The following NIPAL1 variants were observed in gnomAD, a reference collection of about 807,000 sequenced individuals.
NIPAL1 encodes the protein NIPA like domain containing 1, also known as magnesium transporter NIPA3.
A neutral mutation model predicts 37.7 loss-of-function variants in NIPAL1; 35 were observed. The ratio of observed to expected loss-of-function variants is 0.93; its 90% CI spans 0.71 to 1.23. The LOEUF is 1.23. Ranked by LOEUF, NIPAL1 falls within the 50% of genes most tolerant of loss-of-function variation. The pLI, the probability that NIPAL1 is intolerant of heterozygous loss-of-function variation, is 0.00. For synonymous variants in NIPAL1, 162 were observed against 183.0 expected, an observed-to-expected ratio of 0.89 and a Z score of 0.93; for missense variants, 412 against 473.9, an observed-to-expected ratio of 0.87 and a Z score of 1.21.
intron 1 of NIPAL1, among the ~76,000 whole-genome samples, chr4:48,018,493 CT>C (rs1319583041): frequency 6.6e-6 from 1 of 152,198 alleles, no homozygotes; most frequent in Non-Finnish European, 1.5e-5. Context: ...AGAGATTAGG[CT>C]TTGGCATCAG....
chr4:48,018,987 A>G (rs1343161437), intron 1 of NIPAL1, among the ~76,000 whole-genome samples: 1 of 152,202 alleles, frequency 6.6e-6, no homozygotes. Flanking sequence ...TTGAACTTCC[A>G]TGAAGAAAAA....
chr4:48,033,430 A>C (rs1479389881), intron 4 of NIPAL1, among the ~76,000 whole-genome samples: 2 of 152,244 alleles, frequency 1.3e-5, no homozygotes, highest in Non-Finnish European at 2.9e-5. Context: ...ATTTCCTACT[A>C]ACATAAATGT....
intron 1 of NIPAL1, among the ~76,000 whole-genome samples, chr4:48,019,097 T>G (rs1385867367): frequency 6.6e-6 from 1 of 152,218 alleles, no homozygotes; most frequent in East Asian, 1.9e-4. Context: ...TTCAGCTCAC[T>G]GCAACTTCCA....
intron 3 of NIPAL1, 39 bp from the exon 4 acceptor site, chr4:48,032,954 A>G (rs2109371672): frequency 7.0e-7 from 1 of 1,419,398 alleles, no homozygotes. Context: ...CTGACAAGTA[A>G]GCCCATTTTT....
chr4:48,022,648 G>A (rs546974790), intron 1 of NIPAL1, among the ~76,000 whole-genome samples: 7 of 152,280 alleles, frequency 4.6e-5, no homozygotes, highest in East Asian at 1.9e-4. Context: ...AGTCAGGTCC[G>A]ATGTTTTCTT....
chr4:48,035,269 G>A (rs1459616269), intron 5 of NIPAL1, among the ~76,000 whole-genome samples: 5 of 152,164 alleles, frequency 3.3e-5, no homozygotes, highest in Admixed American at 3.3e-4. Flanking sequence ...GGATGGTAGA[G>A]GCAAAAGACA....
At position 48,017,248 on chromosome 4, in the gene NIPAL1, C is replaced by G. The variant is rs552296656; in HGVS notation, c.46+363C>G. 2.0e-5 allele frequency among the ~76,000 whole-genome samples: 3 copies of G among 152,310 alleles called. No individual in the cohort carries two copies. In the East Asian group the frequency reaches 5.8e-4, roughly 30 times the overall value. On this transcript the variant is annotated intron_variant, in intron 1 of 5. Transcript: ENST00000295461. ...AGAAGGACGTTTCCTCTGACTCAGG[C>G]TCCCTTCCAGAGTCTGCGGCCGACG... is the stretch of plus-strand genomic sequence containing the variant.
chr4:48,036,090 A>G lies in NIPAL1; in HGVS notation c.1151A>G (p.Asn384Ser). 6.2e-7 allele frequency: 1 copy of G among 1,608,980 alleles called. No individual in the cohort carries two copies. The highest frequency in any genetic ancestry group is 8.5e-7 in the Non-Finnish European group (1 of 1,177,786). Residue 384 changes from asparagine (N) to serine (S), a missense_variant, in exon 6 of 6, where the codon AAT becomes AGT. Transcript: ENST00000295461. ...GTCTCTCTGAATGTCAATGAAAACA[A>G]TTATGTTTTACTAGAGAACTTGGAG... ...EAVSLNVNEN[N>S]YVLLENLECS...
rs1715929243 is a variant in NIPAL1 at position 48,036,069 on chromosome 4, C to T, written c.1130C>T (p.Ser377Phe). The change falls in exon 6 of 6, where the codon TCT becomes TTT. Residue 377 changes from serine (S) to phenylalanine (F), a missense_variant. Ser to Phe is a radical substitution (Grantham distance 155). Transcript: ENST00000295461. ...LTSTAKKEAVSLNVNENNYVL... is the reference protein window; with the variant it reads ...LTSTAKKEAVFLNVNENNYVL... ...TCCACTGCTAAGAAAGAAGCCGTCT[C>T]TCTGAATGTCAATGAAAACAATTAT... 1 of 1,609,782 alleles carries T rather than the reference C, an allele frequency of 6.2e-7. No individual in the cohort carries two copies. The highest frequency in any genetic ancestry group is 2.2e-5 in the East Asian group (1 of 44,872).
chr4:48,030,216 T>C (rs1203940236), intron 3 of NIPAL1, 40 bp downstream of exon 3: 4 of 1,211,574 alleles, frequency 3.3e-6, no homozygotes, highest in South Asian at 1.2e-5. Context: ...ATTTGTAAGA[T>C]AGTAAATAGA....
At position 48,030,167 on chromosome 4, in the gene NIPAL1, T is replaced by C. The variant is rs760029952; in HGVS notation, c.361T>C (p.Leu121=). 1.9e-6 allele frequency: 3 copies of C among 1,592,802 alleles called. No homozygotes were observed. The highest frequency in any genetic ancestry group is 2.7e-5 in the African/African-American group (2 of 74,464). ...YLKEWLWWVG[L]LSMGAGEAAN... is the part of the protein sequence containing the mutation. ...GAAGGAATGGCTCTGGTGGGTAGGATTGCTGTCAAGTAAGTTTTTAATACT... is the reference window on the plus strand; with the variant it reads ...GAAGGAATGGCTCTGGTGGGTAGGACTGCTGTCAAGTAAGTTTTTAATACT... The change falls in exon 3 of 6, where the codon TTG becomes CTG. Residue 121 remains leucine (L), a synonymous_variant. Coordinates refer to ENST00000295461, the MANE Select transcript of NIPAL1 (RefSeq NM_207330.3).
intron 1 of NIPAL1, among the ~76,000 whole-genome samples, chr4:48,019,132 C>T (rs372792461): frequency 1.3e-5 from 2 of 152,316 alleles, no homozygotes; most frequent in East Asian, 1.9e-4. Context: ...ATTCTCCTGC[C>T]TCAGCCTCTC....
Position 48,016,805 on chromosome 4 carries a change from A to T in NIPAL1, c.-35A>T, listed in dbSNP as rs374439395. The T allele has an allele frequency of 1.9e-6, 3 of 1,550,146 alleles. No individual in the cohort carries two copies. The African/African-American group carries it at 4.1e-5, about 21-fold the overall frequency. ...GTGTGGAGAGGCCCAGGTGAGGAGC[A>T]AGCGCCCGCGTTCCGGAAGCCCGCT... On this transcript the variant is annotated 5_prime_UTR_variant, in exon 1 of 6. Coordinates refer to ENST00000295461, the MANE Select transcript of NIPAL1 (RefSeq NM_207330.3).
At chr4:48,017,739 T>TCGC (rs1715470308) in intron 1 of NIPAL1, among the ~76,000 whole-genome samples, 1 of 152,100 alleles carries the variant, frequency 6.6e-6, no homozygotes, top group South Asian at 2.1e-4. Context: ...ATGATGGTTT[T>TCGC]CGCCGTACCA....
intron 3 of NIPAL1, among the ~76,000 whole-genome samples, chr4:48,032,178 A>G (rs1186231776): frequency 2.0e-5 from 3 of 152,210 alleles, no homozygotes; most frequent in Admixed American, 6.5e-5. Flanking sequence ...AAAGGGAAAA[A>G]GAAAAAAATC....
At chr4:48,025,946 C>G (rs768572555) in intron 2 of NIPAL1, among the ~76,000 whole-genome samples, 9 of 152,138 alleles carry the variant, frequency 5.9e-5, no homozygotes, top group Non-Finnish European at 1.2e-4. Flanking sequence ...GCCCTTCATT[C>G]AGCTCACTCA....
chr4:48,020,057 A>C (rs1358446708), intron 1 of NIPAL1, among the ~76,000 whole-genome samples: 1 of 152,166 alleles, frequency 6.6e-6, no homozygotes, highest in Non-Finnish European at 1.5e-5. Flanking sequence ...ATCTGCCCCC[A>C]CTGGAATATA....
rs1482440967 is a variant in NIPAL1 at position 48,036,006 on chromosome 4, C to T, written c.1067C>T (p.Ala356Val). ...ATCATTGGCATCTTCCTTCTACATG[C>T]TTTTAAAAATACTGACATTACTTGG... Reference protein sequence around the residue: ...TIIIGIFLLHAFKNTDITWSE... With the variant: ...TIIIGIFLLHVFKNTDITWSE... The change falls in exon 6 of 6, where the codon GCT (alanine) becomes GTT (valine). Residue 356 changes from alanine to valine, a missense_variant. Ala to Val is a moderately conservative substitution (Grantham distance 64, BLOSUM62 0). Coordinates refer to ENST00000295461, the MANE Select transcript of NIPAL1 (RefSeq NM_207330.3). 3 of 1,613,172 alleles carry T rather than the reference C, an allele frequency of 1.9e-6. No homozygotes were observed. Among genetic ancestry groups the T allele is most frequent in the African/African-American group, 2.7e-5 (2 of 74,864 alleles).
chr4:48,034,146 G>A (rs1033744856), intron 4 of NIPAL1, among the ~76,000 whole-genome samples: 5 of 152,188 alleles, frequency 3.3e-5, no homozygotes, highest in South Asian at 2.1e-4. Context: ...GTACTGGATA[G>A]GTCTAAGTAT....
Sources: allele counts gnomAD v4.1 joint callset (sites outside exome capture counted in the v4.1 genomes callset), GRCh38; gene constraint gnomAD v4.1.1; transcripts MANE v1.5; gene names NCBI Gene and HGNC (gene_info 2026-07-23, HGNC 2026-07-21).